The following SGPP2 variants were observed in gnomAD, a reference collection of about 807,000 sequenced individuals.
The protein encoded by SGPP2 is sphingosine 1-phosphate phosphohydrolase 2.
SGPP2 carries 30 observed loss-of-function variants against 33.9 expected under a neutral mutation model. The ratio of observed to expected loss-of-function variants is 0.89; its 90% CI spans 0.66 to 1.20. The LOEUF is 1.20. Among genes scored for constraint, SGPP2 ranks in the 50% most tolerant of loss-of-function variants. The probability of loss-of-function intolerance (pLI) is 0.00; values close to 1 mark genes in which losing one functional copy is unlikely to be tolerated. For missense variants in SGPP2, 458 were observed against 532.1 expected, an observed-to-expected ratio of 0.86 and a Z score of 1.37; for synonymous variants, 233 against 225.0, an observed-to-expected ratio of 1.04 and a Z score of -0.32.
chr2:222,452,931 A>G, intron 1 of SGPP2: 1 of 1,579,382 alleles, frequency 6.3e-7, no homozygotes, highest in South Asian at 1.1e-5. Context: ...AAGTTCTTGC[A>G]TCTGTTGAAG....
chr2:222,435,028 G>GTATGTATATGTGTATATATACACA (rs1697216430), intron 1 of SGPP2, among the ~76,000 whole-genome samples: 1 of 140,544 alleles, frequency 7.1e-6, no homozygotes, highest in Non-Finnish European at 1.5e-5. Flanking sequence ...GTATATGTGT[G>GTATGTATATGTGTATATATACACA]TATATATATG....
rs776336979 is a variant in SGPP2, at chr2:222,558,376, ACTC to A, written c.682_684del (p.Leu228del). ...TGCTGGGTGGCGTCCTGATCACCGC[ACTC>A]CTCATCGTCCTCACCTACCCTGCCT... On this transcript the variant is annotated inframe_deletion, in exon 5 of 5. Transcript: ENST00000321276. The A allele has an allele frequency of 1.4e-5, 23 of 1,613,352 alleles. No individual in the cohort carries two copies. The highest frequency in any genetic ancestry group is 1.9e-5 in the Non-Finnish European group (23 of 1,179,840).
intron 1 of SGPP2, among the ~76,000 whole-genome samples, chr2:222,472,148 C>T (rs937327513): frequency 7.9e-5 from 12 of 152,094 alleles, no homozygotes; most frequent in African/African-American, 2.7e-4. Context: ...TTGTAAGGTT[C>T]GGAGGCAAGT....
At chr2:222,452,019 T>A (rs564086974) in intron 1 of SGPP2, among the ~76,000 whole-genome samples, 1 of 99,146 alleles carries the variant, frequency 1.0e-5, no homozygotes, top group South Asian at 3.7e-4. Flanking sequence ...GGATCACTAA[T>A]AATAGATTTT....
intron 2 of SGPP2, among the ~76,000 whole-genome samples, chr2:222,513,879 G>T (rs1698565885): frequency 1.3e-5 from 2 of 152,162 alleles, no homozygotes; most frequent in Admixed American, 6.5e-5. Context: ...CAGACTTGTG[G>T]CTTCTAAGCC....
intron 2 of SGPP2, among the ~76,000 whole-genome samples, chr2:222,483,648 G>A (rs1235619809): frequency 6.6e-6 from 1 of 152,210 alleles, no homozygotes; most frequent in African/African-American, 2.4e-5. Context: ...ACAGACTAGT[G>A]TGTTTTGGGA....
At chr2:222,471,026 C>G (rs147157867) in intron 1 of SGPP2, among the ~76,000 whole-genome samples, 1 of 152,232 alleles carries the variant, frequency 6.6e-6, no homozygotes, top group Non-Finnish European at 1.5e-5. Flanking sequence ...AAACTCTACA[C>G]TTCCTTATCT....
intron 4 of SGPP2, among the ~76,000 whole-genome samples, chr2:222,529,839 T>A (rs6760045): frequency 5.9e-5 from 9 of 152,330 alleles, no homozygotes; most frequent in Middle Eastern, 3.4e-3. Context: ...ATTTACTTTG[T>A]CCAGATCTAT....
intron 1 of SGPP2, among the ~76,000 whole-genome samples, chr2:222,450,889 T>C (rs1368724165): frequency 6.6e-6 from 1 of 152,204 alleles, no homozygotes; most frequent in African/African-American, 2.4e-5. Context: ...TTCCAAGAGC[T>C]CTCTGGATGA....
At chr2:222,435,130 G>C (rs1697220953) in intron 1 of SGPP2, among the ~76,000 whole-genome samples, 1 of 150,452 alleles carries the variant, frequency 6.6e-6, no homozygotes, top group African/African-American at 2.5e-5. Flanking sequence ...ACAATCACGA[G>C]GTCCCACAAT....
chr2:222,481,875 A>C (rs1163782352), intron 2 of SGPP2, among the ~76,000 whole-genome samples: 1 of 152,210 alleles, frequency 6.6e-6, no homozygotes, highest in Non-Finnish European at 1.5e-5. Flanking sequence ...ACATCAAAAG[A>C]CATATTTCCC....
rs1345653430 is a variant in SGPP2, at chr2:222,558,546, C to T, written c.848C>T (p.Ala283Val). The change falls in exon 5 of 5, where the codon GCC becomes GTC. Residue 283 changes from alanine (A) to valine (V), a missense_variant. Physicochemically the swap from Ala to Val is moderately conservative, Grantham distance 64 (BLOSUM62 0). Coordinates refer to ENST00000321276, the MANE Select transcript of SGPP2 (RefSeq NM_152386.4). ...GCGGACACCACCACCATTCTGGCTG[C>T]CGGGGCTGGAGTGACCATAGGATTC... ...TRADTTTILAAGAGVTIGFWI... is the reference protein window; with the variant it reads ...TRADTTTILAVGAGVTIGFWI... 1.9e-6 allele frequency: 3 copies of T among 1,614,198 alleles called. No homozygotes were observed. Among genetic ancestry groups the T allele is most frequent in the Non-Finnish European group, 2.5e-6 (3 of 1,180,030 alleles).
intron 4 of SGPP2, among the ~76,000 whole-genome samples, chr2:222,546,219 TGTGC>T (rs2106152253): frequency 6.6e-6 from 1 of 152,336 alleles, no homozygotes; most frequent in African/African-American, 2.4e-5. Flanking sequence ...AATTAATTCA[TGTGC>T]ATAGGCCTGT....
chr2:222,549,356 G>A (rs888744615), intron 4 of SGPP2, among the ~76,000 whole-genome samples: 1 of 152,232 alleles, frequency 6.6e-6, no homozygotes, highest in African/African-American at 2.4e-5. Flanking sequence ...AACTGCATAT[G>A]GGAATGTGAT....
At chr2:222,467,966 A>C (rs1007446125) in intron 1 of SGPP2, among the ~76,000 whole-genome samples, 44 of 128,074 alleles carry the variant, frequency 3.4e-4, no homozygotes, top group African/African-American at 5.1e-4. Flanking sequence ...AAAAAAAAAA[A>C]AAAAAAAAAA....
intron 2 of SGPP2, among the ~76,000 whole-genome samples, chr2:222,495,691 A>G (rs542539642): frequency 2.0e-4 from 30 of 152,156 alleles, no homozygotes; most frequent in African/African-American, 6.3e-4. Context: ...AGACCCACAG[A>G]TGCCTCCCTT....
chr2:222,452,922 A>C, intron 1 of SGPP2: 1 of 1,584,156 alleles, frequency 6.3e-7, no homozygotes, highest in Non-Finnish European at 8.7e-7. Flanking sequence ...GATATTGGAA[A>C]GTTCTTGCAT....
In SGPP2 at chr2:222,476,044, A is replaced by G. The variant is rs1435310496; in HGVS notation, c.378+1318A>G. The stretch of plus-strand genomic sequence containing the variant: ...GCGAAGGAGTCTTGAAGATCAACCA[A>G]CTCTAAGGTCAAAGGTTATTTAGCT... On this transcript the variant is annotated intron_variant, in intron 2 of 4. Coordinates refer to ENST00000321276, the MANE Select transcript of SGPP2 (RefSeq NM_152386.4). This position sits in a 1 kb window ranked among gnomAD's most constrained non-coding sequence, Gnocchi z 4.3. Among the ~76,000 whole-genome samples, 8 of 152,102 alleles carry G rather than the reference A, an allele frequency of 5.3e-5. No homozygotes were observed. Among genetic ancestry groups the G allele is most frequent in the African/African-American group, 1.9e-4 (8 of 41,390 alleles).
chr2:222,514,315 A>G (rs2106127744), intron 2 of SGPP2, among the ~76,000 whole-genome samples: 1 of 152,330 alleles, frequency 6.6e-6, no homozygotes, highest in East Asian at 1.9e-4. Flanking sequence ...TCCCTTGATG[A>G]TAACCTGATT....
Sources: gnomAD v4.1 joint callset for allele counts (sites outside exome capture counted in the v4.1 genomes callset) on GRCh38, gnomAD v4.1.1 for gene constraint, Gnocchi (gnomAD v3.1) non-coding constraint, MANE v1.5 for transcripts, NCBI Gene and HGNC (gene_info 2026-07-23, HGNC 2026-07-21) for gene names.